ZFAND6: variants seen among roughly 807,000 people sequenced by gnomAD.
ZFAND6 encodes the protein AN1-type zinc finger protein 6.
A neutral mutation model predicts 24.5 loss-of-function variants in ZFAND6; 12 were observed. The ratio of observed to expected loss-of-function variants is 0.49; its 90% confidence interval spans 0.31 to 0.79. The LOEUF is 0.79. Among genes scored for constraint, ZFAND6 ranks in the 30% least tolerant of loss-of-function variants. The probability of loss-of-function intolerance (pLI) is 0.04; values close to 1 mark genes in which losing one functional copy is unlikely to be tolerated. For synonymous variants in ZFAND6, 92 were observed against 81.5 expected (o/e 1.13, Z -0.69); for missense variants, 207 against 245.9 (o/e 0.84, Z 1.06).
In ZFAND6 at chr15:80,065,537, ATTTTTTTT is replaced by A. The variant is rs149756891; in HGVS notation, c.-181+5746_-181+5753del. ...GGGCTTCAAATTAGTTTTGGTTTTG[ATTTTTTTT>A]TTTTTTTTTTTTTTTTTGGAGACAG... is the stretch of plus-strand genomic sequence containing the variant. On this transcript the variant is annotated intron_variant, in intron 1 of 6. Coordinates refer to ENST00000261749, the MANE Select transcript of ZFAND6 (RefSeq NM_019006.4). 4.7e-3 allele frequency among the ~76,000 whole-genome samples: 362 copies of A among 76,508 alleles called. 2 individuals are homozygous for A. The Middle Eastern group carries it at 0.073, about 15-fold the overall frequency. The allele number at this position is 76,508 out of a possible 152,430, so 50.2% of individuals were successfully genotyped here.
intron 5 of ZFAND6, chr15:80,129,751 C>T (rs2040515031): frequency 6.6e-6 from 1 of 152,074 alleles, no homozygotes; most frequent in Non-Finnish European, 1.5e-5. Context: ...CACAGGGTTT[C>T]CCACCCCAAG....
intron 1 of ZFAND6, among the ~76,000 whole-genome samples, chr15:80,079,706 G>A (rs567495686): frequency 1.4e-3 from 202 of 143,262 alleles, no homozygotes; most frequent in Non-Finnish European, 2.5e-3. Flanking sequence ...CTGGAGTGCA[G>A]TGGCGCAAAC....
At chr15:80,136,320 C>G (rs2040861274) in intron 6 of ZFAND6, among the ~76,000 whole-genome samples, 1 of 151,954 alleles carries the variant, frequency 6.6e-6, no homozygotes, top group African/African-American at 2.4e-5. Flanking sequence ...CAAAAATTAG[C>G]TGGGTGTGGT....
At chr15:80,116,367 C>A (rs1184083089) in intron 2 of ZFAND6, among the ~76,000 whole-genome samples, 1 of 152,044 alleles carries the variant, frequency 6.6e-6, no homozygotes, top group Non-Finnish European at 1.5e-5. Context: ...CTAGTGAAAT[C>A]ATATTAAAAA....
At chr15:80,116,991 T>G (rs2039904571) in intron 2 of ZFAND6, among the ~76,000 whole-genome samples, 1 of 152,136 alleles carries the variant, frequency 6.6e-6, no homozygotes, top group African/African-American at 2.4e-5. Context: ...GCAACCAACA[T>G]TGGTTGCTTA....
At chr15:80,134,419 C>T (rs62006322) in intron 6 of ZFAND6, among the ~76,000 whole-genome samples, 4 of 152,080 alleles carry the variant, frequency 2.6e-5, no homozygotes, top group Non-Finnish European at 2.9e-5. Flanking sequence ...GGTCAGGGGT[C>T]GTAAAGACCT....
At chr15:80,128,100 T>C (rs903438714) in intron 5 of ZFAND6, among the ~76,000 whole-genome samples, 5 of 152,246 alleles carry the variant, frequency 3.3e-5, no homozygotes, top group Non-Finnish European at 5.9e-5. Flanking sequence ...ACATGTTGTA[T>C]GATTTTATTT....
At chr15:80,070,753 T>A (rs1195111781) in intron 1 of ZFAND6, among the ~76,000 whole-genome samples, 2 of 152,238 alleles carry the variant, frequency 1.3e-5, no homozygotes, top group Admixed American at 6.5e-5. Flanking sequence ...CCATAACTAT[T>A]TACTAATTTT....
intron 4 of ZFAND6, 111 bp downstream of exon 4, chr15:80,121,931 C>G: frequency 1.1e-6 from 1 of 939,838 alleles, no homozygotes; most frequent in Non-Finnish European, 1.5e-6. Flanking sequence ...ATTAACTGGC[C>G]TAAAATTTTA....
At chr15:80,084,481 G>A (rs1441232998) in intron 1 of ZFAND6, among the ~76,000 whole-genome samples, 2 of 152,202 alleles carry the variant, frequency 1.3e-5, no homozygotes, top group African/African-American at 2.4e-5. Context: ...GGCCTAACTG[G>A]CCAAGAAGTG....
intron 1 of ZFAND6, among the ~76,000 whole-genome samples, chr15:80,090,424 C>T (rs1473975579): frequency 6.6e-6 from 1 of 152,162 alleles, no homozygotes; most frequent in African/African-American, 2.4e-5. Flanking sequence ...CTGTAGGCCT[C>T]AGTTTCCTCA....
chr15:80,135,136 AC>A (rs1397266037), intron 6 of ZFAND6, among the ~76,000 whole-genome samples: 3 of 152,200 alleles, frequency 2.0e-5, no homozygotes, highest in African/African-American at 7.2e-5. Flanking sequence ...AAGGATGAAG[AC>A]TTTTATGATG....
Position 80,122,796 on chromosome 15 carries a change from G to T in ZFAND6, c.360G>T (p.Val120=). 6.2e-7 allele frequency: 1 copy of T among 1,610,462 alleles called. No homozygotes were observed. Among genetic ancestry groups the T allele is most frequent in the Non-Finnish European group, 8.5e-7 (1 of 1,177,026 alleles). Residue 120 remains valine (V), a synonymous_variant, in exon 5 of 7, where the codon GTG becomes GTT. Transcript: ENST00000261749. Reference sequence around the variant, plus strand: ...AAGCAGTACCTGAAACAGAAGATGTGCAGGGTTTGTATATGAACTAGCATG... The same window carrying T: ...AAGCAGTACCTGAAACAGAAGATGTTCAGGGTTTGTATATGAACTAGCATG... ...VDKAVPETED[V]QASVSDTAQQ...
intron 1 of ZFAND6, among the ~76,000 whole-genome samples, chr15:80,081,463 G>A (rs1299816712): frequency 2.6e-5 from 4 of 152,184 alleles, no homozygotes; most frequent in Non-Finnish European, 4.4e-5. Context: ...CCCAGAACCA[G>A]AACAGTTCAG....
At chr15:80,134,128 C>T (rs1016248105) in intron 6 of ZFAND6, among the ~76,000 whole-genome samples, 1 of 152,058 alleles carries the variant, frequency 6.6e-6, no homozygotes, top group Non-Finnish European at 1.5e-5. Flanking sequence ...GCTGGGATTA[C>T]AGGCGTACTC....
intron 5 of ZFAND6, among the ~76,000 whole-genome samples, chr15:80,125,015 A>G (rs1373655517): frequency 6.6e-6 from 1 of 152,240 alleles, no homozygotes; most frequent in Non-Finnish European, 1.5e-5. Context: ...TCATACACTT[A>G]CATGCAATTA....
chr15:80,079,366 A>AC (rs1405223694), intron 1 of ZFAND6, among the ~76,000 whole-genome samples: 1 of 150,924 alleles, frequency 6.6e-6, no homozygotes, highest in East Asian at 2.0e-4. Context: ...GACCACAGGC[A>AC]CCCGCCACCA....
intron 5 of ZFAND6, among the ~76,000 whole-genome samples, chr15:80,126,901 T>C (rs1474783650): frequency 6.6e-6 from 1 of 152,028 alleles, no homozygotes; most frequent in Non-Finnish European, 1.5e-5. Flanking sequence ...TCACTTGAGC[T>C]CAAGAGTTTG....
intron 1 of ZFAND6, among the ~76,000 whole-genome samples, chr15:80,070,679 G>A (rs1020578018): frequency 2.6e-5 from 4 of 152,068 alleles, no homozygotes; most frequent in Admixed American, 6.6e-5. Context: ...TGTATGATTC[G>A]TATTTGTTTC....
Sources: gnomAD v4.1 joint callset for allele counts (sites outside exome capture counted in the v4.1 genomes callset) on GRCh38, gnomAD v4.1.1 for gene constraint, MANE v1.5 for transcripts, NCBI Gene and HGNC (gene_info 2026-07-23, HGNC 2026-07-21) for gene names.